Variants in EDEM2 observed in about 807,000 individuals in gnomAD.
EDEM2 encodes the protein ER degradation enhancing alpha-mannosidase like protein 2, also known as ER degradation-enhancing alpha-mannosidase-like protein 2.
In EDEM2, 39 loss-of-function variants were observed where a neutral mutation model predicts 64.8. The ratio of observed to expected loss-of-function variants is 0.60; its 90% CI spans 0.47 to 0.79. The LOEUF (loss-of-function observed/expected upper bound fraction) is 0.79, where lower values mean the gene tolerates loss of function less well. Ranked by LOEUF, EDEM2 falls within the 30% of genes least tolerant of loss-of-function variation. EDEM2 has a pLI of 0.00. For missense variants in EDEM2, 609 were observed against 731.3 expected (o/e 0.83, Z 1.93); for synonymous variants, 296 against 291.5 (o/e 1.02, Z -0.16).
At chr20:35,132,061 C>G (rs535193599) in intron 6 of EDEM2, among the ~76,000 whole-genome samples, 63 of 152,248 alleles carry the variant, frequency 4.1e-4, no homozygotes, top group Admixed American at 7.2e-4. Context: ...TGTTTATGTC[C>G]TGCCTAGAGT....
chr20:35,124,156 G>T, intron 8 of EDEM2, 122 bp from the exon 9 acceptor site: 13 of 1,245,712 alleles, frequency 1.0e-5, no homozygotes, highest in Non-Finnish European at 1.3e-5. Context: ...CCCTGAGTCT[G>T]CCAGTTACTC....
chr20:35,135,687 C>T (rs1476921758), intron 5 of EDEM2, among the ~76,000 whole-genome samples: 1 of 152,078 alleles, frequency 6.6e-6, no homozygotes, highest in Non-Finnish European at 1.5e-5. Flanking sequence ...CATTCATAGA[C>T]TTTAAATAAA....
At chr20:35,129,825 T>C (rs2085484514) in intron 7 of EDEM2, among the ~76,000 whole-genome samples, 1 of 152,126 alleles carries the variant, frequency 6.6e-6, no homozygotes, top group Non-Finnish European at 1.5e-5. Context: ...CAATTGTCTA[T>C]AGTATTCAGT....
intron 5 of EDEM2, among the ~76,000 whole-genome samples, chr20:35,137,412 C>G (rs1407782403): frequency 6.6e-6 from 1 of 152,162 alleles, no homozygotes; most frequent in Non-Finnish European, 1.5e-5. Flanking sequence ...GAACAAGACT[C>G]CATCACAAAC....
At chr20:35,141,519 G>C (rs1287549973) in intron 4 of EDEM2, among the ~76,000 whole-genome samples, 6 of 152,156 alleles carry the variant, frequency 3.9e-5, no homozygotes. Flanking sequence ...TTGTCCCTCT[G>C]CTCTCTTCTC....
intron 3 of EDEM2, among the ~76,000 whole-genome samples, chr20:35,143,692 G>A (rs949173239): frequency 1.3e-5 from 2 of 152,176 alleles, no homozygotes; most frequent in Non-Finnish European, 2.9e-5. Flanking sequence ...CCCTCTAGCT[G>A]TGGAGTGGGT....
Position 35,142,049 on chromosome 20 carries a change from A to AT in EDEM2, c.364+323dup, listed in dbSNP as rs1486020197. Among the ~76,000 whole-genome samples the AT allele has an allele frequency of 2.6e-5, 4 of 152,352 alleles. No individual in the cohort carries two copies. The East Asian group carries it at 5.8e-4, about 22-fold the overall frequency. ...TGCAGAAAATTGGATTGGACAGACA[A>AT]TAAGTTCCAAGAAGGCAAGGATCAT... On this transcript the variant is annotated intron_variant, in intron 4 of 10. Transcript: ENST00000374492.
Position 35,146,936 on chromosome 20 carries a change from C to G in EDEM2, c.108-1G>C. The stretch of plus-strand genomic sequence containing the variant: ...GTAGAACATGGCCTTGACTCGCTCC[C>G]TGGGTGGGGGACGAGAAATCAGGCA... On this transcript the variant is annotated splice_acceptor_variant, in intron 1 of 10. Transcript: ENST00000374492. LOFTEE classifies it high-confidence loss of function. 2 of 1,612,692 alleles carry G rather than the reference C, an allele frequency of 1.2e-6. No individual in the cohort carries two copies. The highest frequency in any genetic ancestry group is 1.7e-6 in the Non-Finnish European group (2 of 1,179,418).
intron 4 of EDEM2, among the ~76,000 whole-genome samples, chr20:35,140,468 A>G (rs2146112311): frequency 6.6e-6 from 1 of 152,248 alleles, no homozygotes; most frequent in Non-Finnish European, 1.5e-5. Context: ...GCAGAGTGAG[A>G]CTCTATTTCA....
chr20:35,126,612 A>G (rs2085436465), intron 7 of EDEM2, among the ~76,000 whole-genome samples: 1 of 152,098 alleles, frequency 6.6e-6, no homozygotes, highest in African/African-American at 2.4e-5. Flanking sequence ...CCTCAGCCTT[A>G]TGATCTATAA....
At chr20:35,131,868 G>A in intron 6 of EDEM2, 85 bp from the exon 7 acceptor site, 1 of 1,503,070 alleles carries the variant, frequency 6.7e-7, no homozygotes, top group South Asian at 1.2e-5. Flanking sequence ...GACTGCCCAG[G>A]GAGATGCAGG....
At chr20:35,126,185 T>C (rs1446688048) in intron 8 of EDEM2, 66 bp downstream of exon 8, 3 of 1,576,972 alleles carry the variant, frequency 1.9e-6, no homozygotes, top group African/African-American at 2.7e-5. Flanking sequence ...ATTTGACTTA[T>C]ACATCAGAAT....
At chr20:35,127,454 T>C (rs1241910308) in intron 7 of EDEM2, among the ~76,000 whole-genome samples, 3 of 152,222 alleles carry the variant, frequency 2.0e-5, no homozygotes, top group African/African-American at 4.8e-5. Context: ...TTATCCCTCA[T>C]ATCTCTCCCC....
intron 3 of EDEM2, 72 bp downstream of exon 3, chr20:35,144,907 T>C (rs1163816674): frequency 1.2e-5 from 18 of 1,542,264 alleles, no homozygotes; most frequent in Non-Finnish European, 1.5e-5. Context: ...TCACCCACAG[T>C]CACGCTGCCA....
intron 7 of EDEM2, among the ~76,000 whole-genome samples, chr20:35,131,125 A>G (rs2085500326): frequency 6.6e-6 from 1 of 152,226 alleles, no homozygotes; most frequent in African/African-American, 2.4e-5. Context: ...TGGCCAGGAG[A>G]TAAGAAATCC....
chr20:35,115,484 G>C lies in EDEM2; in HGVS notation c.1686C>G (p.Pro562=). ...CCAGTAATGCCAACTTGGAGGTGAA[G>C]GGCTGACTGGGGCAGCTGAGAAGTG... ...KVPLLSCPSQ[P]FTSKLALLGQ... is the part of the protein sequence containing the mutation. Residue 562 remains proline (P), a synonymous_variant, in exon 11 of 11, where the codon CCC becomes CCG. Transcript: ENST00000374492. The C allele has an allele frequency of 2.5e-6, 4 of 1,614,038 alleles. No individual in the cohort carries two copies. The highest frequency in any genetic ancestry group is 3.4e-6 in the Non-Finnish European group (4 of 1,179,894).
intron 3 of EDEM2, among the ~76,000 whole-genome samples, chr20:35,144,117 C>T (rs1206815861): frequency 6.6e-6 from 1 of 151,352 alleles, no homozygotes; most frequent in African/African-American, 2.4e-5. Context: ...CCATATTGCC[C>T]AGGCTGGTCT....
intron 7 of EDEM2, among the ~76,000 whole-genome samples, chr20:35,126,887 G>C (rs1328364377): frequency 6.6e-6 from 1 of 152,154 alleles, no homozygotes; most frequent in African/African-American, 2.4e-5. Flanking sequence ...ACTCCAGCCT[G>C]GGCAACAAGA....
At position 35,115,584 on chromosome 20, in the gene EDEM2, G is replaced by GC; in HGVS notation, c.1585dup (p.Ala529GlyfsTer13). Reference sequence around the variant, plus strand: ...TGGTGAGAAGAGTGTTCCTGGCCTTGCTGGAGGTTCCCATGGCCCCGAACT... The same window carrying GC: ...TGGTGAGAAGAGTGTTCCTGGCCTTGCCTGGAGGTTCCCATGGCCCCGAACT... On this transcript the variant is annotated frameshift_variant, in exon 11 of 11. Transcript: ENST00000374492. LOFTEE classifies it high-confidence loss of function. 1 of 1,613,824 alleles carries GC rather than the reference G, an allele frequency of 6.2e-7. No homozygotes were observed. The highest frequency in any genetic ancestry group is 8.5e-7 in the Non-Finnish European group (1 of 1,180,020).
Sources: gnomAD v4.1 joint callset for allele counts (sites outside exome capture counted in the v4.1 genomes callset) on GRCh38, gnomAD v4.1.1 for gene constraint, MANE v1.5 for transcripts, NCBI Gene and HGNC (gene_info 2026-07-23, HGNC 2026-07-21) for gene names.